Variants in C7orf33 observed in about 807,000 individuals in gnomAD.
C7orf33 encodes chromosome 7 open reading frame 33.
A neutral mutation model predicts 13.4 loss-of-function variants in C7orf33; 15 were observed. The ratio of observed to expected loss-of-function variants is 1.12; its 90% confidence interval spans 0.75 to 1.72. The LOEUF (loss-of-function observed/expected upper bound fraction) is 1.72, where lower values mean the gene tolerates loss of function less well. Among genes scored for constraint, C7orf33 ranks in the 40% most tolerant of loss-of-function variants. The pLI, the probability that C7orf33 is intolerant of heterozygous loss-of-function variation, is 0.00. For missense variants in C7orf33, 187 were observed against 220.3 expected (o/e 0.85, Z 0.96); for synonymous variants, 73 against 83.2 (o/e 0.88, Z 0.67).
intron 1 of C7orf33, among the ~76,000 whole-genome samples, chr7:148,606,933 TACACAC>T (rs112000703): frequency 5.7e-5 from 8 of 139,294 alleles, no homozygotes; most frequent in East Asian, 2.1e-4. Flanking sequence ...AAAAAAAAAA[TACACAC>T]ACACACACAC....
At chr7:148,615,232 C>A (rs778635964) in intron 2 of C7orf33, 95 bp from the exon 3 acceptor site, 1 of 845,844 alleles carries the variant, frequency 1.2e-6, no homozygotes, top group Non-Finnish European at 2.0e-6. Context: ...AGCCACCATG[C>A]CAGGCTGAGA....
Position 148,591,062 on chromosome 7 carries a change from C to T in C7orf33, c.137C>T (p.Ala46Val), listed in dbSNP as rs780799842. The stretch of plus-strand genomic sequence containing the variant: ...CTTCGCCTGAGTGGGAGGGCAGTCG[C>T]TGTTTGGGTCCACGTTAGGGGCGGT... ...IDLRLSGRAVAVWVHVRGGPG... is the reference protein window; with the variant it reads ...IDLRLSGRAVVVWVHVRGGPG... The change falls in exon 1 of 3, where the codon GCT becomes GTT. Residue 46 changes from alanine (A) to valine (V), a missense_variant. Physicochemically the swap from Ala to Val is moderately conservative, Grantham distance 64. Transcript: ENST00000307003. 4 of 1,614,070 alleles carry T rather than the reference C, an allele frequency of 2.5e-6. No individual in the cohort carries two copies. The highest frequency in any genetic ancestry group is 3.4e-6 in the Non-Finnish European group (4 of 1,180,004).
At chr7:148,600,039 T>A (rs1677992368) in intron 1 of C7orf33, among the ~76,000 whole-genome samples, 1 of 152,190 alleles carries the variant, frequency 6.6e-6, no homozygotes, top group Admixed American at 6.5e-5. Flanking sequence ...TAGAGCTGCT[T>A]AGAGGATTTC....
At chr7:148,594,375 A>G (rs1426121482) in intron 1 of C7orf33, among the ~76,000 whole-genome samples, 1 of 151,796 alleles carries the variant, frequency 6.6e-6, no homozygotes, top group African/African-American at 2.4e-5. Flanking sequence ...ACGGGGTTTC[A>G]CCATGTTAGC....
At chr7:148,591,206 C>A in intron 1 of C7orf33, 77 bp downstream of exon 1, 1 of 1,244,918 alleles carries the variant, frequency 8.0e-7, no homozygotes, top group Non-Finnish European at 1.2e-6. Flanking sequence ...TCACTCAATC[C>A]ATGAATGTTT....
At chr7:148,597,330 G>A (rs1796351782) in intron 1 of C7orf33, among the ~76,000 whole-genome samples, 1 of 151,996 alleles carries the variant, frequency 6.6e-6, no homozygotes, top group Admixed American at 6.6e-5. Flanking sequence ...CACCAAGGCT[G>A]CAGTTCAATG....
chr7:148,615,460 C>A lies in C7orf33; in HGVS notation c.*59C>A. 1 of 1,087,558 alleles carries A rather than the reference C, an allele frequency of 9.2e-7. No homozygotes were observed. Among genetic ancestry groups the A allele is most frequent in the Non-Finnish European group, 1.4e-6 (1 of 711,078 alleles). 67.4% of individuals were successfully genotyped at this position (1,087,558 alleles called of 1,614,324 possible). A position where few individuals can be genotyped will look rare whatever the true frequency, so the allele number is the denominator to read the frequency against. ...ATTTGTGTAGATTGTGAAATCTCTTCTTGCAAGAAAAAAGAGAAATAGCTG... is the reference window on the plus strand; with the variant it reads ...ATTTGTGTAGATTGTGAAATCTCTTATTGCAAGAAAAAAGAGAAATAGCTG... On this transcript the variant is annotated 3_prime_UTR_variant, in exon 3 of 3. Coordinates refer to ENST00000307003, the MANE Select transcript of C7orf33 (RefSeq NM_145304.4).
At chr7:148,605,560 T>C (rs1023833911) in intron 1 of C7orf33, among the ~76,000 whole-genome samples, 2 of 152,234 alleles carry the variant, frequency 1.3e-5, no homozygotes, top group Admixed American at 6.5e-5. Flanking sequence ...CAGCACTTCC[T>C]TTCTGCAGAA....
rs868284045 is a variant in C7orf33, at chr7:148,606,931, A to T, written c.205-7111A>T. On this transcript the variant is annotated intron_variant, in intron 1 of 2. Transcript: ENST00000307003. Reference sequence around the variant, plus strand: ...TGGAATAGACCCCATTTAAAAAAAAAATACACACACACACACACACACACA... The same window carrying T: ...TGGAATAGACCCCATTTAAAAAAAATATACACACACACACACACACACACA... 5.0e-4 allele frequency among the ~76,000 whole-genome samples: 10 copies of T among 20,160 alleles called. No homozygotes were observed. The Admixed American group carries it at 7.5e-3, about 15-fold the overall frequency. 13.2% of individuals were successfully genotyped at this position (20,160 alleles called of 152,430 possible).
At chr7:148,595,691 T>A (rs1160216395) in intron 1 of C7orf33, among the ~76,000 whole-genome samples, 1 of 135,622 alleles carries the variant, frequency 7.4e-6, no homozygotes, top group African/African-American at 2.9e-5. Context: ...AGATCTATAT[T>A]ATATAGATAT....
chr7:148,594,073 C>G (rs558544538), intron 1 of C7orf33, among the ~76,000 whole-genome samples: 2 of 152,066 alleles, frequency 1.3e-5, no homozygotes, highest in Non-Finnish European at 2.9e-5. Context: ...CTTTGCCTTC[C>G]GTCATGAGTG....
intron 2 of C7orf33, among the ~76,000 whole-genome samples, chr7:148,614,791 A>C (rs1014280342): frequency 5.9e-5 from 9 of 152,360 alleles, no homozygotes; most frequent in Admixed American, 1.3e-4. Context: ...CTTAAAAAGT[A>C]ATCCATCAAT....
intron 1 of C7orf33, among the ~76,000 whole-genome samples, chr7:148,597,096 C>T (rs2116889900): frequency 6.6e-6 from 1 of 151,842 alleles, no homozygotes; most frequent in Admixed American, 6.6e-5. Flanking sequence ...CAAGTTTGAG[C>T]CAATTATGAA....
intron 1 of C7orf33, among the ~76,000 whole-genome samples, chr7:148,594,081 G>A (rs1216667048): frequency 6.6e-6 from 1 of 151,766 alleles, no homozygotes; most frequent in East Asian, 1.9e-4. Context: ...TCCGTCATGA[G>A]TGAAAGCTCC....
chr7:148,593,133 C>T (rs1796287995), intron 1 of C7orf33, among the ~76,000 whole-genome samples: 2 of 152,114 alleles, frequency 1.3e-5, no homozygotes, highest in South Asian at 4.1e-4. Context: ...AGCCAACATG[C>T]CTGGCCGACA....
chr7:148,598,751 TATATATATATATAGAGAGAGAG>T (rs1446078810), intron 1 of C7orf33, among the ~76,000 whole-genome samples: 104 of 68,540 alleles, frequency 1.5e-3, no homozygotes, highest in African/African-American at 3.8e-3. Context: ...TATATATATA[TATATATATATATAGAGAGAGAG>T]AGAGAGAGAG....
chr7:148,610,123 A>G (rs934666355), intron 1 of C7orf33, among the ~76,000 whole-genome samples: 1 of 152,184 alleles, frequency 6.6e-6, no homozygotes, highest in African/African-American at 2.4e-5. Context: ...GGTATCTGTA[A>G]ACAACAAGAA....
At chr7:148,608,344 C>T (rs917176113) in intron 1 of C7orf33, among the ~76,000 whole-genome samples, 6 of 151,970 alleles carry the variant, frequency 3.9e-5, no homozygotes, top group African/African-American at 7.2e-5. Context: ...GCAGGAGAAT[C>T]GCTTGAACCC....
At chr7:148,602,350 A>C (rs548180158) in intron 1 of C7orf33, among the ~76,000 whole-genome samples, 2 of 152,278 alleles carry the variant, frequency 1.3e-5, no homozygotes, top group African/African-American at 4.8e-5. Context: ...AAACCCAGCC[A>C]CTTCGGGAGG....
Sources: gnomAD v4.1 joint callset for allele counts (sites outside exome capture counted in the v4.1 genomes callset) on GRCh38, gnomAD v4.1.1 for gene constraint, MANE v1.5 for transcripts, NCBI Gene and HGNC (gene_info 2026-07-23, HGNC 2026-07-21) for gene names.